LRRC37A2: variants seen among roughly 807,000 people sequenced by gnomAD.
LRRC37A2 encodes the protein leucine rich repeat containing 37 member A2, also known as leucine-rich repeat-containing protein 37A2.
In LRRC37A2, 9 loss-of-function variants were observed where a neutral mutation model predicts 68.8. The observed-to-expected ratio is 0.13, with a 90% CI of 0.08 to 0.23. The LOEUF (loss-of-function observed/expected upper bound fraction) is 0.23, where lower values mean the gene tolerates loss of function less well. Among genes scored for constraint, LRRC37A2 ranks in the 10% least tolerant of loss-of-function variants. The pLI is 1.00. For missense variants in LRRC37A2, 168 were observed against 950.4 expected, an observed-to-expected ratio of 0.18 and a Z score of 10.82; for synonymous variants, 63 against 367.6, an observed-to-expected ratio of 0.17 and a Z score of 9.48.
chr17:46,995,580 G>A, the LRRC37A2 span, among the ~76,000 whole-genome samples: 6 of 152,224 alleles, frequency 3.9e-5, no homozygotes, highest in East Asian at 1.9e-4. Context: ...GGAATATAGC[G>A]TGGAAAGGCT....
the LRRC37A2 span, among the ~76,000 whole-genome samples, chr17:46,905,558 T>A: frequency 3.3e-5 from 5 of 152,242 alleles, no homozygotes; most frequent in Non-Finnish European, 4.4e-5. Flanking sequence ...CAAGCCCTGG[T>A]GCAGGATGGC....
At chr17:46,852,273 G>A in the LRRC37A2 span, among the ~76,000 whole-genome samples, 1 of 143,062 alleles carries the variant, frequency 7.0e-6, no homozygotes, top group East Asian at 2.7e-4. Context: ...ACCTCGGACG[G>A]TGAGAGCGCC....
the LRRC37A2 span, among the ~76,000 whole-genome samples, chr17:46,791,729 C>T: frequency 6.6e-6 from 1 of 152,232 alleles, no homozygotes; most frequent in Non-Finnish European, 1.5e-5. Context: ...GGGGGAAACA[C>T]ACGTTGTGTA....
the LRRC37A2 span, among the ~76,000 whole-genome samples, chr17:46,748,626 C>T: frequency 2.6e-5 from 4 of 152,180 alleles, no homozygotes; most frequent in Admixed American, 6.5e-5. Context: ...GAGAGGAAAG[C>T]TCCAGAACTA....
At chr17:46,891,555 C>T in the LRRC37A2 span, among the ~76,000 whole-genome samples, 2 of 152,348 alleles carry the variant, frequency 1.3e-5, no homozygotes, top group Non-Finnish European at 2.9e-5. Context: ...CAGGGGCTCT[C>T]ATCTGGGCCC....
chr17:46,588,663 CTT>C, the LRRC37A2 span, among the ~76,000 whole-genome samples: 4 of 86,032 alleles, frequency 4.6e-5, no homozygotes, highest in Non-Finnish European at 6.7e-5. Flanking sequence ...GACAAAATCT[CTT>C]TGATTCTAGG....
At chr17:46,775,394 CT>C in the LRRC37A2 span, among the ~76,000 whole-genome samples, 1 of 152,128 alleles carries the variant, frequency 6.6e-6, no homozygotes, top group Non-Finnish European at 1.5e-5. Flanking sequence ...ACAGAGCTCC[CT>C]GGGCACCGTG....
At chr17:46,734,503 A>G in the LRRC37A2 span, among the ~76,000 whole-genome samples, 3 of 152,140 alleles carry the variant, frequency 2.0e-5, no homozygotes, top group Non-Finnish European at 2.9e-5. Context: ...TGCTTAGTAT[A>G]GTAGATTTTC....
the LRRC37A2 span, among the ~76,000 whole-genome samples, chr17:46,954,185 T>G: frequency 6.6e-6 from 1 of 152,242 alleles, no homozygotes; most frequent in East Asian, 1.9e-4. Flanking sequence ...CATGTAAGTC[T>G]TTAATCCATC....
chr17:46,954,599 CTAT>C, the LRRC37A2 span, among the ~76,000 whole-genome samples: 208 of 152,298 alleles, frequency 1.4e-3, no homozygotes, highest in African/African-American at 4.8e-3. Flanking sequence ...GACATTGAAT[CTAT>C]AAATTACCTT....
At chr17:46,572,980 AGGGAGGGAGGG>A in the LRRC37A2 span, among the ~76,000 whole-genome samples, 1 of 102,106 alleles carries the variant, frequency 9.8e-6, no homozygotes, top group African/African-American at 3.9e-5. Context: ...AAAGGGAGGG[AGGGAGGGAGGG>A]AGGGAGGAAG....
the LRRC37A2 span, among the ~76,000 whole-genome samples, chr17:46,774,168 G>T: frequency 6.6e-6 from 1 of 152,230 alleles, no homozygotes. Context: ...GGGCCCTTGG[G>T]GGCAATGCAA....
the LRRC37A2 span, among the ~76,000 whole-genome samples, chr17:46,915,264 C>T: frequency 6.6e-6 from 1 of 152,226 alleles, no homozygotes; most frequent in South Asian, 2.1e-4. Context: ...GAAGACTGGA[C>T]TCAGCTGGGA....
chr17:46,706,906 A>G, the LRRC37A2 span, among the ~76,000 whole-genome samples: 1 of 144,654 alleles, frequency 6.9e-6, no homozygotes, highest in Non-Finnish European at 1.5e-5. Context: ...GTTGGAGTGC[A>G]GTGGTGTGAT....
At chr17:46,470,330 T>TA in the LRRC37A2 span, among the ~76,000 whole-genome samples, 1 of 44,938 alleles carries the variant, frequency 2.2e-5, no homozygotes, top group African/African-American at 8.5e-5. Flanking sequence ...CAGATTTTTT[T>TA]AAAAACTTAG....
At chr17:46,409,367 G>T in the LRRC37A2 span, among the ~76,000 whole-genome samples, 3 of 146,988 alleles carry the variant, frequency 2.0e-5, no homozygotes, top group Non-Finnish European at 4.5e-5. Flanking sequence ...CACGATCATG[G>T]CTCCTGGTCT....
chr17:46,835,083 C>G, the LRRC37A2 span, among the ~76,000 whole-genome samples: 1 of 152,228 alleles, frequency 6.6e-6, no homozygotes, highest in African/African-American at 2.4e-5. Flanking sequence ...TAGCCTCCAT[C>G]TCCTGGGGTC....
At chr17:46,804,495 G>A in the LRRC37A2 span, among the ~76,000 whole-genome samples, 1 of 152,062 alleles carries the variant, frequency 6.6e-6, no homozygotes, top group South Asian at 2.1e-4. Flanking sequence ...AGTGCTGTAA[G>A]ACACCAGACG....
the LRRC37A2 span, chr17:46,940,738 C>T: frequency 6.3e-7 from 1 of 1,580,828 alleles, no homozygotes; most frequent in South Asian, 1.1e-5. Flanking sequence ...TTTGATGAAC[C>T]CTCATGCTGC....
Sources: gnomAD v4.1 joint callset for allele counts (sites outside exome capture counted in the v4.1 genomes callset) on GRCh38, gnomAD v4.1.1 for gene constraint, MANE v1.5 for transcripts, NCBI Gene and HGNC (gene_info 2026-07-23, HGNC 2026-07-21) for gene names.